MALRD1: variants seen among roughly 807,000 people sequenced by gnomAD.
The protein encoded by MALRD1 is MAM and LDL-receptor class A domain-containing protein 1.
A neutral mutation model predicts 242.1 loss-of-function variants in MALRD1; 247 were observed. The observed-to-expected ratio is 1.02, with a 90% CI of 0.92 to 1.13. MALRD1 has a LOEUF of 1.13. MALRD1 is among the 50% of genes most tolerant of loss of function. The pLI is 0.00. For synonymous variants in MALRD1, 995 were observed against 866.6 expected (o/e 1.15, Z -2.60); for missense variants, 2,989 against 2,533.1 (o/e 1.18, Z -3.86).
chr10:19,450,662 C>A (rs1443810857), intron 29 of MALRD1, among the ~76,000 whole-genome samples, 172 bp downstream of exon 29: 2 of 152,188 alleles, frequency 1.3e-5, no homozygotes, highest in East Asian at 3.9e-4. Context: ...TGAGATAATA[C>A]CTATCTTAGT....
Position 19,238,443 on chromosome 10 carries a change from A to G in MALRD1, c.2992-19241A>G, listed in dbSNP as rs1181512963. 1.3e-4 allele frequency among the ~76,000 whole-genome samples: 8 copies of G among 59,712 alleles called. 1 individual carries two copies. The South Asian group carries it at 1.4e-3, about 11-fold the overall frequency. 39.2% of individuals were successfully genotyped at this position (59,712 alleles called of 152,430 possible). A position where few individuals can be genotyped will look rare whatever the true frequency, so the allele number is the denominator to read the frequency against. ...ATATACATTATATATAATATATAAT[A>G]TACATTATATATAATATATAATATA... is the stretch of plus-strand genomic sequence containing the variant. On this transcript the variant is annotated intron_variant, in intron 18 of 39. Transcript: ENST00000454679.
At chr10:19,117,836 A>C (rs1051861639) in intron 5 of MALRD1, among the ~76,000 whole-genome samples, 1 of 152,244 alleles carries the variant, frequency 6.6e-6, no homozygotes, top group Non-Finnish European at 1.5e-5. Context: ...ACAATGTTTT[A>C]AAATTTTTCA....
chr10:19,564,151 G>C (rs1836152249), intron 32 of MALRD1, among the ~76,000 whole-genome samples: 1 of 152,084 alleles, frequency 6.6e-6, no homozygotes, highest in Non-Finnish European at 1.5e-5. Flanking sequence ...TGCATGCATG[G>C]CTTAATACAC....
chr10:19,149,058 T>C (rs1000047921), intron 11 of MALRD1, among the ~76,000 whole-genome samples: 1 of 147,852 alleles, frequency 6.8e-6, no homozygotes, highest in East Asian at 2.0e-4. Flanking sequence ...ATTGCAGCTT[T>C]TAAATCTGTC....
chr10:19,257,873 C>T (rs1429853973), intron 19 of MALRD1, 102 bp downstream of exon 19: 3 of 747,400 alleles, frequency 4.0e-6, no homozygotes, highest in Non-Finnish European at 6.1e-6. Context: ...CCAATATGAC[C>T]TTGCTTTTAT....
Position 19,596,739 on chromosome 10 carries a change from A to AAAAAGAAAAG in MALRD1, c.5944+1295_5944+1304dup, listed in dbSNP as rs10699326. On this transcript the variant is annotated intron_variant, in intron 34 of 39. Transcript: ENST00000454679. ...GGGTGACAAAGTGAGACTCTGTCTC[A>AAAAAGAAAAG]AAAAGAAAAGAAAAGAAAAGAACGA... Among the ~76,000 whole-genome samples the AAAAAGAAAAG allele has an allele frequency of 2.2e-3, 318 of 147,612 alleles. 1 individual carries two copies. Among genetic ancestry groups the AAAAAGAAAAG allele is most frequent in the African/African-American group, 3.4e-3 (134 of 39,798 alleles).
chr10:19,697,253 A>G (rs1833421258), intron 38 of MALRD1, among the ~76,000 whole-genome samples: 1 of 152,134 alleles, frequency 6.6e-6, no homozygotes, highest in South Asian at 2.1e-4. Context: ...AATCCAAGTA[A>G]GAGTTGATGG....
In MALRD1 at chr10:19,689,513, T is replaced by A. The variant is rs1324808593; in HGVS notation, c.6138-2769T>A. Among the ~76,000 whole-genome samples the A allele has an allele frequency of 2.6e-5, 4 of 152,062 alleles. No individual in the cohort carries two copies. In the East Asian group the frequency reaches 7.7e-4, roughly 29 times the overall value. ...CACTCCCTTTTGGATTTGAGGCAAA[T>A]GATGGATAAAGTAAAGTAATATTGG... is the stretch of plus-strand genomic sequence containing the variant. On this transcript the variant is annotated intron_variant, in intron 36 of 39. Coordinates refer to ENST00000454679, the MANE Select transcript of MALRD1 (RefSeq NM_001142308.3).
At chr10:19,225,015 T>A (rs1424586699) in intron 18 of MALRD1, among the ~76,000 whole-genome samples, 1 of 152,220 alleles carries the variant, frequency 6.6e-6, no homozygotes, top group Non-Finnish European at 1.5e-5. Flanking sequence ...AATTATTTTA[T>A]AAGGTGTAAG....
intron 26 of MALRD1, among the ~76,000 whole-genome samples, chr10:19,365,392 G>A (rs753763249): frequency 3.3e-5 from 5 of 151,964 alleles, no homozygotes; most frequent in Non-Finnish European, 5.9e-5. Context: ...GGTTTAGGTT[G>A]GAAGTTATTT....
At chr10:19,403,129 A>G (rs1159532197) in intron 28 of MALRD1, among the ~76,000 whole-genome samples, 1 of 152,166 alleles carries the variant, frequency 6.6e-6, no homozygotes, top group Non-Finnish European at 1.5e-5. Context: ...TGATGATGGA[A>G]TTATCTATGC....
chr10:19,689,200 AACAC>A (rs1384190879), intron 36 of MALRD1, among the ~76,000 whole-genome samples: 1 of 152,116 alleles, frequency 6.6e-6, no homozygotes, highest in Non-Finnish European at 1.5e-5. Context: ...TATTGCAGGA[AACAC>A]ACATACAAAA....
intron 14 of MALRD1, among the ~76,000 whole-genome samples, chr10:19,177,665 T>G (rs752366064): frequency 2.6e-5 from 4 of 152,186 alleles, no homozygotes; most frequent in Admixed American, 6.5e-5. Context: ...TTTTTATTTG[T>G]TTTTCAGCCC....
chr10:19,510,076 A>C (rs1447459232), intron 31 of MALRD1, among the ~76,000 whole-genome samples: 4 of 152,082 alleles, frequency 2.6e-5, no homozygotes, highest in Non-Finnish European at 2.9e-5. Flanking sequence ...AACGTGAACA[A>C]ATGTCTCTGC....
intron 28 of MALRD1, among the ~76,000 whole-genome samples, chr10:19,392,558 G>T (rs755877957): frequency 1.3e-5 from 2 of 152,132 alleles, no homozygotes; most frequent in African/African-American, 4.8e-5. Flanking sequence ...TTGCTTTTGA[G>T]AACATTTGGT....
intron 36 of MALRD1, among the ~76,000 whole-genome samples, chr10:19,642,469 C>A (rs1022052437): frequency 1.4e-4 from 21 of 152,074 alleles, no homozygotes; most frequent in African/African-American, 5.1e-4. Flanking sequence ...ATTGCTACCT[C>A]CCATTCTCAG....
intron 11 of MALRD1, among the ~76,000 whole-genome samples, chr10:19,150,844 G>A (rs10826999): frequency 0.34 from 51,729 of 151,956 alleles, 9,209 homozygotes; most frequent in Admixed American, 0.39. Context: ...GTATCTAGCT[G>A]TTCCCCTATC....
intron 33 of MALRD1, among the ~76,000 whole-genome samples, chr10:19,586,293 A>T (rs1837397606): frequency 6.6e-6 from 1 of 152,090 alleles, no homozygotes; most frequent in Admixed American, 6.5e-5. Context: ...TTGGAGGAGG[A>T]GAGGTGCTCT....
chr10:19,099,933 G>A (rs1035831249), intron 4 of MALRD1, among the ~76,000 whole-genome samples: 5 of 151,790 alleles, frequency 3.3e-5, no homozygotes, highest in African/African-American at 9.7e-5. Flanking sequence ...GCTAATTTTT[G>A]TATTTTTAAT....
Sources: gnomAD v4.1 joint callset for allele counts (sites outside exome capture counted in the v4.1 genomes callset) on GRCh38, gnomAD v4.1.1 for gene constraint, MANE v1.5 for transcripts, NCBI Gene and HGNC (gene_info 2026-07-23, HGNC 2026-07-21) for gene names.